Variants in SH3GL2 observed in about 807,000 individuals in gnomAD.
SH3GL2 encodes the protein SH3 domain containing GRB2 like 2, endophilin A1, also known as endophilin-A1.
Under a neutral mutation model 46.0 loss-of-function variants are expected in SH3GL2, and 24 were observed. That is an observed-to-expected ratio of 0.52 (90% CI 0.38 to 0.73). SH3GL2 has a LOEUF of 0.73. SH3GL2 is among the 30% of genes least tolerant of loss of function. SH3GL2 has a pLI of 0.00. For missense variants in SH3GL2, 413 were observed against 424.2 expected, an observed-to-expected ratio of 0.97 and a Z score of 0.23; for synonymous variants, 196 against 147.1, an observed-to-expected ratio of 1.33 and a Z score of -2.40.
At chr9:17,660,788 G>A (rs1820193756) in intron 1 of SH3GL2, among the ~76,000 whole-genome samples, 1 of 152,112 alleles carries the variant, frequency 6.6e-6, no homozygotes, top group Non-Finnish European at 1.5e-5. Context: ...TGGGGTGTTT[G>A]AATAAAAACT....
intron 1 of SH3GL2, among the ~76,000 whole-genome samples, chr9:17,717,998 G>C (rs1425940421): frequency 6.6e-6 from 1 of 152,068 alleles, no homozygotes; most frequent in Admixed American, 6.6e-5. Context: ...TCTTCCTGCT[G>C]TTGCAGGTTA....
At chr9:17,723,163 G>T (rs762423622) in intron 1 of SH3GL2, among the ~76,000 whole-genome samples, 4 of 152,118 alleles carry the variant, frequency 2.6e-5, no homozygotes, top group Admixed American at 2.0e-4. Flanking sequence ...CTTCATATTT[G>T]TACAAAGCTT....
intron 1 of SH3GL2, among the ~76,000 whole-genome samples, chr9:17,650,847 A>T (rs1819938325): frequency 6.6e-6 from 1 of 152,110 alleles, no homozygotes; most frequent in Non-Finnish European, 1.5e-5. Flanking sequence ...AGGAGAGTTT[A>T]TTGTTTTATG....
chr9:17,743,808 G>C (rs1257724467), intron 1 of SH3GL2, among the ~76,000 whole-genome samples: 1 of 152,158 alleles, frequency 6.6e-6, no homozygotes, highest in African/African-American at 2.4e-5. Context: ...GTGTGATGTA[G>C]GCCCTTGTGC....
At chr9:17,772,275 C>G (rs1823506528) in intron 3 of SH3GL2, among the ~76,000 whole-genome samples, 1 of 152,102 alleles carries the variant, frequency 6.6e-6, no homozygotes, top group Admixed American at 6.5e-5. Context: ...ATTGTAATCT[C>G]TATATTAGAC....
rs574679632 is a variant in SH3GL2 at position 17,726,513 on chromosome 9, C to T, written c.46-20553C>T. Among the ~76,000 whole-genome samples, 23 of 152,266 alleles carry T rather than the reference C, an allele frequency of 1.5e-4. No homozygotes were observed. The East Asian group carries it at 1.9e-3, about 13-fold the overall frequency. On this transcript the variant is annotated intron_variant, in intron 1 of 8. Coordinates refer to ENST00000380607, the MANE Select transcript of SH3GL2 (RefSeq NM_003026.5). ...CTGGCTGTGGAAGTAGGTTTTGACT[C>T]TGCTGACCCAGCATAATCATAGTGA...
chr9:17,648,541 A>G (rs1211159914), intron 1 of SH3GL2, among the ~76,000 whole-genome samples: 1 of 152,178 alleles, frequency 6.6e-6, no homozygotes, highest in Non-Finnish European at 1.5e-5. Context: ...GCATTGGTAA[A>G]TGAATTCTTT....
intron 2 of SH3GL2, among the ~76,000 whole-genome samples, chr9:17,758,707 A>T (rs1823080647): frequency 6.6e-6 from 1 of 151,672 alleles, no homozygotes; most frequent in African/African-American, 2.4e-5. Flanking sequence ...AGTTGTTTTC[A>T]GAGGTGGTGG....
intron 1 of SH3GL2, among the ~76,000 whole-genome samples, chr9:17,608,147 CTT>C (rs58474566): frequency 6.6e-5 from 8 of 120,344 alleles, no homozygotes; most frequent in African/African-American, 1.5e-4. Context: ...AAGCTTTCCT[CTT>C]TTTTTTTTTT....
intron 3 of SH3GL2, among the ~76,000 whole-genome samples, chr9:17,784,110 A>C (rs1312678565): frequency 6.6e-6 from 1 of 152,172 alleles, no homozygotes; most frequent in African/African-American, 2.4e-5. Flanking sequence ...CTCTTCAGAT[A>C]TGTGAATTAG....
At chr9:17,627,661 T>C (rs1819314049) in intron 1 of SH3GL2, among the ~76,000 whole-genome samples, 1 of 152,192 alleles carries the variant, frequency 6.6e-6, no homozygotes, top group Non-Finnish European at 1.5e-5. Flanking sequence ...GTGGCGGTGC[T>C]CTGATGGCAT....
intron 1 of SH3GL2, among the ~76,000 whole-genome samples, chr9:17,706,985 G>GTA (rs202120325): frequency 1.3e-5 from 2 of 151,814 alleles, no homozygotes; most frequent in South Asian, 2.1e-4. Context: ...TAGGCAATTT[G>GTA]TATATATATA....
intron 1 of SH3GL2, among the ~76,000 whole-genome samples, chr9:17,610,594 T>C (rs73641997): frequency 0.016 from 2,420 of 152,352 alleles, 70 homozygotes; most frequent in African/African-American, 0.054. Flanking sequence ...GTTAAACATA[T>C]ACTTAAAAAA....
At chr9:17,769,826 A>G (rs561296595) in intron 3 of SH3GL2, among the ~76,000 whole-genome samples, 14 of 152,234 alleles carry the variant, frequency 9.2e-5, no homozygotes, top group Admixed American at 3.3e-4. Context: ...CTTATTTACT[A>G]TTCGTAATAA....
At chr9:17,750,169 C>A (rs951665994) in intron 2 of SH3GL2, among the ~76,000 whole-genome samples, 1 of 152,252 alleles carries the variant, frequency 6.6e-6, no homozygotes, top group African/African-American at 2.4e-5. Context: ...ACTCTCAAAT[C>A]TTTTCTCGCC....
chr9:17,650,356 C>T (rs921717367), intron 1 of SH3GL2, among the ~76,000 whole-genome samples: 1 of 151,988 alleles, frequency 6.6e-6, no homozygotes, highest in Non-Finnish European at 1.5e-5. Flanking sequence ...GAGGTGATAT[C>T]CACTTGAAGT....
At chr9:17,775,014 T>A (rs1386002495) in intron 3 of SH3GL2, among the ~76,000 whole-genome samples, 1 of 152,132 alleles carries the variant, frequency 6.6e-6, no homozygotes, top group Non-Finnish European at 1.5e-5. Context: ...TCTTGGTAGG[T>A]TTTGTGTTTC....
At chr9:17,684,571 A>G (rs1004465118) in intron 1 of SH3GL2, among the ~76,000 whole-genome samples, 2 of 152,276 alleles carry the variant, frequency 1.3e-5, no homozygotes, top group African/African-American at 4.8e-5. Flanking sequence ...AGATGATAGT[A>G]CAGTTTTCCC....
chr9:17,694,304 G>A (rs539232148), intron 1 of SH3GL2, among the ~76,000 whole-genome samples: 7 of 152,194 alleles, frequency 4.6e-5, no homozygotes, highest in African/African-American at 7.2e-5. Flanking sequence ...TCACAATGGC[G>A]GAGCAGGAGA....
Sources: allele counts gnomAD v4.1 joint callset (sites outside exome capture counted in the v4.1 genomes callset), GRCh38; gene constraint gnomAD v4.1.1; transcripts MANE v1.5; gene names NCBI Gene and HGNC (gene_info 2026-07-23, HGNC 2026-07-21).